Variants in PLA2R1 observed in about 807,000 individuals in gnomAD.
PLA2R1 encodes phospholipase A2 receptor 1.
Under a neutral mutation model 195.9 loss-of-function variants are expected in PLA2R1, and 158 were observed. That is an observed-to-expected ratio of 0.81 (90% confidence interval 0.71 to 0.92). PLA2R1 has a LOEUF of 0.92. PLA2R1 is among the 40% of genes least tolerant of loss of function. The pLI is 0.00. For synonymous variants in PLA2R1, 586 were observed against 598.2 expected (o/e 0.98, Z 0.30); for missense variants, 1,626 against 1,764.6 (o/e 0.92, Z 1.41).
intron 7 of PLA2R1, among the ~76,000 whole-genome samples, chr2:160,022,137 C>T (rs1693172088): frequency 6.6e-6 from 1 of 152,106 alleles, no homozygotes; most frequent in Admixed American, 6.5e-5. Context: ...AAGTCTATGT[C>T]AAATACATGA....
chr2:159,961,338 T>C (rs774972169), intron 20 of PLA2R1, among the ~76,000 whole-genome samples: 1 of 152,164 alleles, frequency 6.6e-6, no homozygotes, highest in Non-Finnish European at 1.5e-5. Context: ...TGTGGAACTA[T>C]GACTGTTGAA....
intron 1 of PLA2R1, among the ~76,000 whole-genome samples, chr2:160,051,410 CCTGTCTTGACT>C (rs1454111419): frequency 6.6e-5 from 10 of 152,172 alleles, no homozygotes; most frequent in African/African-American, 2.4e-4. Context: ...TGCCCGGCAG[CCTGTCTTGACT>C]CTGTCCATTT....
intron 12 of PLA2R1, among the ~76,000 whole-genome samples, chr2:159,984,679 C>G (rs751979351): frequency 6.6e-6 from 1 of 152,212 alleles, no homozygotes; most frequent in Non-Finnish European, 1.5e-5. Flanking sequence ...AAAATCTCTG[C>G]TGCTTCTCAG....
rs1319821918 is a variant in PLA2R1, at chr2:159,951,277, A to C, written c.3540+63T>G. The stretch of plus-strand genomic sequence containing the variant: ...CAGTGCTAATTTCAGTGGCCAGATC[A>C]TGAAGGAGGTAGATGCTAAACTTAA... On this transcript the variant is annotated intron_variant, in intron 24 of 29. Transcript: ENST00000283243. 4.7e-6 allele frequency: 4 copies of C among 855,738 alleles called. No individual in the cohort carries two copies. The African/African-American group carries it at 6.7e-5, about 14-fold the overall frequency. 53.0% of individuals were successfully genotyped at this position (855,738 alleles called of 1,614,324 possible).
chr2:159,950,562 T>C (rs758618483), intron 24 of PLA2R1, among the ~76,000 whole-genome samples: 1 of 152,368 alleles, frequency 6.6e-6, no homozygotes, highest in South Asian at 2.1e-4. Flanking sequence ...CCTTACATGC[T>C]GCGTTCTAAA....
At position 160,022,961 on chromosome 2, in the gene PLA2R1, T is replaced by G. The variant is rs907244; in HGVS notation, c.1100-102A>C. ...CATTAATATGATTACTTTAAAAATG[T>G]GAAAAACAGAAATATACAAAATGAC... On this transcript the variant is annotated intron_variant, in intron 6 of 29. Transcript: ENST00000283243. 1,943 of 779,390 alleles carry G rather than the reference T, an allele frequency of 2.5e-3. 37 individuals carry two copies. The African/African-American group carries it at 0.031, about 12-fold the overall frequency. 48.3% of individuals were successfully genotyped at this position (779,390 alleles called of 1,614,324 possible).
chr2:159,998,915 T>C (rs1287969994), intron 11 of PLA2R1, among the ~76,000 whole-genome samples: 2 of 152,118 alleles, frequency 1.3e-5, no homozygotes, highest in Non-Finnish European at 1.5e-5. Context: ...CTTACAACAC[T>C]CACCACACAT....
chr2:159,976,755 T>C lies in PLA2R1; in HGVS notation c.2402-35A>G, dbSNP rs1560167799. The C allele has an allele frequency of 1.9e-6, 3 of 1,582,326 alleles. No homozygotes were observed. The African/African-American group carries it at 4.0e-5, about 21-fold the overall frequency. On this transcript the variant is annotated intron_variant, in intron 15 of 29. Coordinates refer to ENST00000283243, the MANE Select transcript of PLA2R1 (RefSeq NM_007366.5). ...GAAAGCAAATCACTTTGACTGATCT[T>C]GCTTCTCAAGTGCATTGTCTGTGAA...
chr2:160,018,384 A>C lies in PLA2R1; in HGVS notation c.1453-1672T>G, dbSNP rs547525980. Among the ~76,000 whole-genome samples, 12 of 152,336 alleles carry C rather than the reference A, an allele frequency of 7.9e-5. No homozygotes were observed. The South Asian group carries it at 2.5e-3, about 32-fold the overall frequency. ...TGGGCCAGGCGCGGTTGCCCATGCCAGTAATCACAACACTTTGGGAGGCCA... is the reference window on the plus strand; with the variant it reads ...TGGGCCAGGCGCGGTTGCCCATGCCCGTAATCACAACACTTTGGGAGGCCA... On this transcript the variant is annotated intron_variant, in intron 8 of 29. Transcript: ENST00000283243.
intron 28 of PLA2R1, among the ~76,000 whole-genome samples, chr2:159,942,988 T>TC (rs1397764641): frequency 6.6e-6 from 1 of 151,734 alleles, no homozygotes; most frequent in African/African-American, 2.4e-5. Context: ...TTTTTTTTTT[T>TC]TGAGGCGAAG....
Position 159,949,682 on chromosome 2 carries a change from G to A in PLA2R1, c.3635C>T (p.Ala1212Val), listed in dbSNP as rs1006524848. 6.2e-7 allele frequency: 1 copy of A among 1,613,812 alleles called. No homozygotes were observed. Among genetic ancestry groups the A allele is most frequent in the African/African-American group, 1.3e-5 (1 of 74,910 alleles). The change falls in exon 25 of 30, where the codon GCC becomes GTC. Residue 1212 changes from alanine to valine, a missense_variant. Physicochemically the swap from Ala to Val is moderately conservative, Grantham distance 64. Transcript: ENST00000283243. ...GCTATGCCAGCGTCCGTTGCTGTCG[G>A]CAAAAACGCAGTCACCAAGGAGGGA... ...ESSLLGDCVF[A>V]DSNGRWHSTA...
intron 23 of PLA2R1, among the ~76,000 whole-genome samples, chr2:159,952,197 T>C (rs1350274250): frequency 6.6e-6 from 1 of 152,156 alleles, no homozygotes; most frequent in Non-Finnish European, 1.5e-5. Context: ...GAGTCAAAGT[T>C]TATAAATTAA....
intron 11 of PLA2R1, among the ~76,000 whole-genome samples, chr2:159,994,360 GA>G (rs1691060737): frequency 6.6e-6 from 1 of 152,074 alleles, no homozygotes; most frequent in Non-Finnish European, 1.5e-5. Context: ...AGGAAACACA[GA>G]GATGAAAACA....
chr2:160,046,216 C>T (rs888215018), intron 1 of PLA2R1, among the ~76,000 whole-genome samples: 3 of 152,206 alleles, frequency 2.0e-5, no homozygotes, highest in Non-Finnish European at 2.9e-5. Flanking sequence ...TGAAACACAC[C>T]GGCTGCTGCT....
chr2:159,965,233 G>C lies in PLA2R1; in HGVS notation c.2904+2306C>G, dbSNP rs549621967. Among the ~76,000 whole-genome samples, 177 of 152,294 alleles carry C rather than the reference G, an allele frequency of 1.2e-3. 1 individual carries two copies. The highest frequency in any genetic ancestry group is 4.7e-4 in the Non-Finnish European group (32 of 68,030). On this transcript the variant is annotated intron_variant, in intron 20 of 29. Coordinates refer to ENST00000283243, the MANE Select transcript of PLA2R1 (RefSeq NM_007366.5). ...TTCTATGAGTTTGTACAAATGTCTA[G>C]TGACATGCATCCACCATTGTGCTAT...
chr2:160,045,102 A>C lies in PLA2R1; in HGVS notation c.165T>G (p.Gly55=), dbSNP rs1694777440. Residue 55 remains glycine (G), a synonymous_variant, in exon 2 of 30, where the codon GGT becomes GGG. Coordinates refer to ENST00000283243, the MANE Select transcript of PLA2R1 (RefSeq NM_007366.5). ...SESLKKCIQA[G]KSVLTLENCK... is the part of the protein sequence containing the mutation. ...AGTTCTCCAGGGTCAGAACCGATTT[A>C]CCTGCTTGAATGCATTTCTTGAGAC... 2 of 1,612,730 alleles carry C rather than the reference A, an allele frequency of 1.2e-6. No individual in the cohort carries two copies. Among genetic ancestry groups the C allele is most frequent in the African/African-American group, 1.3e-5 (1 of 74,926 alleles).
chr2:160,012,309 C>T (rs933675512), intron 10 of PLA2R1, among the ~76,000 whole-genome samples: 3 of 152,148 alleles, frequency 2.0e-5, no homozygotes, highest in African/African-American at 4.8e-5. Flanking sequence ...GAGTGGGTCT[C>T]CCAGGTGTTC....
In PLA2R1 at chr2:159,984,040, T is replaced by C; in HGVS notation, c.2071A>G (p.Thr691Ala). 1.3e-6 allele frequency: 2 copies of C among 1,582,406 alleles called. No individual in the cohort carries two copies. The highest frequency in any genetic ancestry group is 1.7e-6 in the Non-Finnish European group (2 of 1,152,930). Residue 691 changes from threonine (T) to alanine (A), a missense_variant, in exon 13 of 30, where the codon ACA (threonine) becomes GCA (alanine). Thr to Ala is a moderately conservative substitution (Grantham distance 58). Transcript: ENST00000283243. ...FHSEKVLMKR[T>A]WREAEAFCEE... ...CAAAATGCTTCAGCTTCTCTCCATG[T>C]TCTTTTCATCAGAACTTTTTCACTA...
intron 4 of PLA2R1, among the ~76,000 whole-genome samples, chr2:160,030,749 A>G (rs1693804310): frequency 6.6e-6 from 1 of 152,214 alleles, no homozygotes; most frequent in Admixed American, 6.5e-5. Flanking sequence ...AATTAGCAAG[A>G]AACATTAGAC....
Sources: allele counts gnomAD v4.1 joint callset (sites outside exome capture counted in the v4.1 genomes callset), GRCh38; gene constraint gnomAD v4.1.1; transcripts MANE v1.5; gene names NCBI Gene and HGNC (gene_info 2026-07-23, HGNC 2026-07-21).